The following CNEP1R1 variants were observed in gnomAD, a reference collection of about 807,000 sequenced individuals.
CNEP1R1 encodes the protein nuclear envelope phosphatase-regulatory subunit 1.
A neutral mutation model predicts 22.7 loss-of-function variants in CNEP1R1; 10 were observed. The observed-to-expected ratio is 0.44, with a 90% CI of 0.27 to 0.75. The LOEUF (loss-of-function observed/expected upper bound fraction) is 0.75, where lower values mean the gene tolerates loss of function less well. CNEP1R1 is among the 30% of genes least tolerant of loss of function. The probability of loss-of-function intolerance (pLI) is 0.17; values close to 1 mark genes in which losing one functional copy is unlikely to be tolerated. For synonymous variants in CNEP1R1, 53 were observed against 50.1 expected, an observed-to-expected ratio of 1.06 and a Z score of -0.25; for missense variants, 73 against 151.5, an observed-to-expected ratio of 0.48 and a Z score of 2.72.
chr16:50,027,678 T>C (rs2036198110), intron 2 of CNEP1R1, among the ~76,000 whole-genome samples: 1 of 151,160 alleles, frequency 6.6e-6, no homozygotes, highest in African/African-American at 2.4e-5. Flanking sequence ...GACCCTGTGT[T>C]TAAAAAAAAA....
chr16:50,025,940 A>G (rs1160465187), intron 1 of CNEP1R1, among the ~76,000 whole-genome samples: 1 of 152,232 alleles, frequency 6.6e-6, no homozygotes, highest in South Asian at 2.1e-4. Flanking sequence ...AATTAAATAT[A>G]AGAGCTGGAA....
chr16:50,031,846 A>G (rs2036233768), intron 3 of CNEP1R1, among the ~76,000 whole-genome samples: 2 of 152,164 alleles, frequency 1.3e-5, no homozygotes, highest in Admixed American at 1.3e-4. Context: ...CTGCTGTTTC[A>G]ATGCATTGGA....
At chr16:50,025,389 C>A in intron 1 of CNEP1R1, 49 bp downstream of exon 1, 1 of 1,420,326 alleles carries the variant, frequency 7.0e-7, no homozygotes, top group Non-Finnish European at 9.2e-7. Flanking sequence ...CGGAAGCTGG[C>A]GGTGCTCCGG....
chr16:50,030,672 C>T (rs1440082262), intron 3 of CNEP1R1, among the ~76,000 whole-genome samples: 1 of 152,212 alleles, frequency 6.6e-6, no homozygotes, highest in Admixed American at 6.5e-5. Context: ...TTTCCCAACA[C>T]ACTTGCCAGA....
Position 50,025,254 on chromosome 16 carries a change from C to G in CNEP1R1, c.-62C>G, listed in dbSNP as rs1015400295. ...GTGGGAGTTGGCGCTGCGGGCCGGGCGGGGGCCGCGGAAGCTGCGATGCGG... is the reference window on the plus strand; with the variant it reads ...GTGGGAGTTGGCGCTGCGGGCCGGGGGGGGGCCGCGGAAGCTGCGATGCGG... On this transcript the variant is annotated 5_prime_UTR_variant, in exon 1 of 6. Coordinates refer to ENST00000427478, the MANE Select transcript of CNEP1R1 (RefSeq NM_001281789.2). The G allele has an allele frequency of 2.2e-6, 3 of 1,378,220 alleles. No homozygotes were observed. The highest frequency in any genetic ancestry group is 3.6e-5 in the Admixed American group (1 of 27,794). The allele number at this position is 1,378,220 out of a possible 1,614,324, so 85.4% of individuals were successfully genotyped here. A position where few individuals can be genotyped will look rare whatever the true frequency, so the allele number is the denominator to read the frequency against.
chr16:50,029,658 C>A, intron 2 of CNEP1R1, 67 bp from the exon 3 acceptor site: 1 of 899,726 alleles, frequency 1.1e-6, no homozygotes, highest in African/African-American at 1.7e-5. Context: ...TTAGTAGGAA[C>A]TGGTGGTGAT....
intron 3 of CNEP1R1, among the ~76,000 whole-genome samples, chr16:50,030,138 G>A (rs182643444): frequency 1.2e-4 from 18 of 152,102 alleles, no homozygotes; most frequent in African/African-American, 4.3e-4. Flanking sequence ...TGTTCATTGA[G>A]TGTCATCAGT....
At chr16:50,029,525 CT>C (rs2036214220) in intron 2 of CNEP1R1, among the ~76,000 whole-genome samples, 199 bp from the exon 3 acceptor site, 1 of 152,158 alleles carries the variant, frequency 6.6e-6, no homozygotes, top group African/African-American at 2.4e-5. Flanking sequence ...AAACAGTATC[CT>C]TAATTACTAA....
intron 2 of CNEP1R1, chr16:50,026,995 T>C (rs2036190203): frequency 6.6e-6 from 1 of 152,074 alleles, no homozygotes; most frequent in South Asian, 2.1e-4. Flanking sequence ...AATAAAAATA[T>C]TTAAATTTTT....
At chr16:50,026,136 A>G in intron 1 of CNEP1R1, 2 of 456,366 alleles carry the variant, frequency 4.4e-6, no homozygotes. Flanking sequence ...TCCCAATACC[A>G]TTTATGAAGC....
Position 50,036,425 on chromosome 16 carries a change from C to G in CNEP1R1, c.*967C>G, listed in dbSNP as rs1368835453. 1.3e-5 allele frequency: 2 copies of G among 152,144 alleles called. No individual in the cohort carries two copies. The highest frequency in any genetic ancestry group is 2.4e-5 in the African/African-American group (1 of 41,426). The allele number at this position is 152,144 out of a possible 1,614,324, so 9.4% of individuals were successfully genotyped here. On this transcript the variant is annotated 3_prime_UTR_variant, in exon 6 of 6. Coordinates refer to ENST00000427478, the MANE Select transcript of CNEP1R1 (RefSeq NM_001281789.2). ...AAATGCTGGGATTACAGGCATAAGC[C>G]ACCGTGCCTGGCCTCTTTAATAATT...
intron 4 of CNEP1R1, 32 bp downstream of exon 4, chr16:50,033,538 C>G (rs1196556782): frequency 8.3e-7 from 1 of 1,202,080 alleles, no homozygotes; most frequent in Admixed American, 1.9e-5. Flanking sequence ...ATTCCATTCT[C>G]TGAAGTGCTT....
At chr16:50,029,884 ACTAC>A in intron 3 of CNEP1R1, 86 bp downstream of exon 3, 1 of 758,052 alleles carries the variant, frequency 1.3e-6, no homozygotes, top group Non-Finnish European at 2.3e-6. Flanking sequence ...GTATTCAAAC[ACTAC>A]CTATTAACTA....
intron 3 of CNEP1R1, among the ~76,000 whole-genome samples, chr16:50,030,013 AT>A (rs1429673402): frequency 1.3e-5 from 2 of 152,174 alleles, no homozygotes. Context: ...AAGAGATGCT[AT>A]TATTTCTTAG....
chr16:50,035,749 CAG>C lies in CNEP1R1; in HGVS notation c.*293_*294del, dbSNP rs1477968502. On this transcript the variant is annotated 3_prime_UTR_variant, in exon 6 of 6. Transcript: ENST00000427478. Reference sequence around the variant, plus strand: ...TATGTTACTAAGTTAAACTTAGAAACAGAACCTCATTCAGTTTTTATAATGTA... The same window carrying C: ...TATGTTACTAAGTTAAACTTAGAAACAACCTCATTCAGTTTTTATAATGTA... The C allele has an allele frequency of 2.3e-5, 7 of 298,342 alleles. No individual in the cohort carries two copies. Among genetic ancestry groups the C allele is most frequent in the Non-Finnish European group, 3.1e-5 (5 of 162,198 alleles). The allele number at this position is 298,342 out of a possible 1,614,324, so 18.5% of individuals were successfully genotyped here.
chr16:50,026,052 C>T lies in CNEP1R1; in HGVS notation c.26-344C>T, dbSNP rs16948169. ...TCTTGGTTCCCAGAGAGCTAAAACT[C>T]GACCTGATTTTAATTTTATTTGCAA... is the stretch of plus-strand genomic sequence containing the variant. On this transcript the variant is annotated intron_variant, in intron 1 of 5. Coordinates refer to ENST00000427478, the MANE Select transcript of CNEP1R1 (RefSeq NM_001281789.2). 8.8e-3 allele frequency: 3,712 copies of T among 423,646 alleles called. 133 individuals carry two copies. The highest frequency in any genetic ancestry group is 0.066 in the African/African-American group (3,285 of 50,112). 26.2% of individuals were successfully genotyped at this position (423,646 alleles called of 1,614,324 possible). A position where few individuals can be genotyped will look rare whatever the true frequency, so the allele number is the denominator to read the frequency against.
At chr16:50,027,997 GC>G (rs796867668) in intron 2 of CNEP1R1, among the ~76,000 whole-genome samples, 17 of 152,286 alleles carry the variant, frequency 1.1e-4, no homozygotes, top group African/African-American at 4.1e-4. Context: ...TAGCTCTGTT[GC>G]CCAGGCTGGA....
At chr16:50,027,994 G>T (rs887629138) in intron 2 of CNEP1R1, among the ~76,000 whole-genome samples, 4 of 152,206 alleles carry the variant, frequency 2.6e-5, no homozygotes, top group African/African-American at 9.6e-5. Flanking sequence ...GTCTAGCTCT[G>T]TTGCCCAGGC....
chr16:50,034,204 G>A (rs2036256924), intron 5 of CNEP1R1, 48 bp downstream of exon 5: 1 of 1,379,112 alleles, frequency 7.3e-7, no homozygotes. Flanking sequence ...TGAAAACACT[G>A]AAATTTTTGG....
Sources: gnomAD v4.1 joint callset for allele counts (sites outside exome capture counted in the v4.1 genomes callset) on GRCh38, gnomAD v4.1.1 for gene constraint, MANE v1.5 for transcripts, NCBI Gene and HGNC (gene_info 2026-07-23, HGNC 2026-07-21) for gene names.